USP32: variants seen among roughly 807,000 people sequenced by gnomAD.
USP32 encodes the protein ubiquitin specific peptidase 32.
Under a neutral mutation model 204.8 loss-of-function variants are expected in USP32, and 59 were observed. The observed-to-expected ratio is 0.29, with a 90% confidence interval of 0.23 to 0.36. USP32 has a LOEUF of 0.36. Ranked by LOEUF, USP32 falls within the 10% of genes least tolerant of loss-of-function variation. The probability of loss-of-function intolerance (pLI) is 1.00; values close to 1 mark genes in which losing one functional copy is unlikely to be tolerated. For synonymous variants in USP32, 517 were observed against 678.4 expected (o/e 0.76, Z 3.70); for missense variants, 1,160 against 1,946.4 (o/e 0.60, Z 7.60).
chr17:60,407,028 G>A (rs1174387369), intron 1 of USP32, among the ~76,000 whole-genome samples: 2 of 152,108 alleles, frequency 1.3e-5, no homozygotes, highest in East Asian at 1.9e-4. Flanking sequence ...TGGACAATTG[G>A]CAGTGCAGAA....
chr17:60,349,578 G>GAAAAAAA (rs757370384), intron 1 of USP32, among the ~76,000 whole-genome samples: 33 of 27,710 alleles, frequency 1.2e-3, no homozygotes, highest in Non-Finnish European at 2.0e-3. Context: ...TGTCTCAAAA[G>GAAAAAAA]AAAAAAAAAA....
At chr17:60,257,700 T>C (rs1000546009) in intron 9 of USP32, among the ~76,000 whole-genome samples, 1 of 151,782 alleles carries the variant, frequency 6.6e-6, no homozygotes, top group Admixed American at 6.6e-5. Flanking sequence ...CCCAGGCTGG[T>C]CTTGAACTCC....
chr17:60,234,962 C>T (rs2085682437), intron 12 of USP32, among the ~76,000 whole-genome samples: 1 of 152,086 alleles, frequency 6.6e-6, no homozygotes, highest in South Asian at 2.1e-4. Context: ...TGTAGATTCT[C>T]CCATGTATAC....
rs146652488 is a variant in USP32 at position 60,192,603 on chromosome 17, T to C, written c.3521+241A>G. On this transcript the variant is annotated intron_variant, in intron 28 of 33. Transcript: ENST00000300896. ...GCACGCATCACCACGCCCCGCTAATTTTTGTATGTTTAGTAGAGACGAGGT... is the reference window on the plus strand; with the variant it reads ...GCACGCATCACCACGCCCCGCTAATCTTTGTATGTTTAGTAGAGACGAGGT... 4.8e-3 allele frequency among the ~76,000 whole-genome samples: 736 copies of C among 152,182 alleles called. 23 individuals are homozygous for C. Among genetic ancestry groups the C allele is most frequent in the Admixed American group, 0.045 (682 of 15,284 alleles).
chr17:60,338,823 C>T (rs2088586185), intron 2 of USP32, among the ~76,000 whole-genome samples: 1 of 152,126 alleles, frequency 6.6e-6, no homozygotes, highest in Admixed American at 6.6e-5. Context: ...TTCTCAATCC[C>T]CTCAAATTCT....
intron 1 of USP32, among the ~76,000 whole-genome samples, chr17:60,401,583 G>C (rs2089935498): frequency 2.0e-5 from 3 of 151,556 alleles, no homozygotes; most frequent in African/African-American, 4.9e-5. Flanking sequence ...AGGGTTAAAA[G>C]TAGACCTCTG....
intron 3 of USP32, among the ~76,000 whole-genome samples, chr17:60,295,240 GAA>G (rs111710231): frequency 3.8e-5 from 5 of 131,544 alleles, no homozygotes; most frequent in African/African-American, 5.4e-5. Flanking sequence ...GCAAAACTTC[GAA>G]AAAAAAAAAA....
intron 12 of USP32, among the ~76,000 whole-genome samples, chr17:60,233,366 G>A (rs1398557156): frequency 6.6e-6 from 1 of 152,016 alleles, no homozygotes; most frequent in African/African-American, 2.4e-5. Flanking sequence ...CTCAGGAGGT[G>A]GGAGAATTGC....
chr17:60,310,904 A>G (rs534986297), intron 2 of USP32, among the ~76,000 whole-genome samples: 62 of 152,248 alleles, frequency 4.1e-4, no homozygotes, highest in Non-Finnish European at 7.4e-4. Flanking sequence ...GCACAGAGAG[A>G]CAAATATCAC....
intron 12 of USP32, among the ~76,000 whole-genome samples, chr17:60,235,822 A>G (rs1025739976): frequency 2.6e-5 from 4 of 152,238 alleles, no homozygotes; most frequent in East Asian, 3.8e-4. Flanking sequence ...TAAAATGGGT[A>G]TAATATTATC....
In USP32 at chr17:60,422,141, A is replaced by G. The variant is rs2090126548; in HGVS notation, c.106+105T>C. On this transcript the variant is annotated intron_variant, in intron 1 of 3. Transcript: ENST00000588898. ...CCCTAGACCTCTGTCCCAAATCAGA[A>G]AAGAATTTTACAAACTGTGCTTTCC... 3 of 305,686 alleles carry G rather than the reference A, an allele frequency of 9.8e-6. No homozygotes were observed. The South Asian group carries it at 1.2e-4, about 12-fold the overall frequency. The allele number at this position is 305,686 out of a possible 1,614,324, so 18.9% of individuals were successfully genotyped here.
chr17:60,244,778 C>G (rs770981756), intron 11 of USP32, among the ~76,000 whole-genome samples: 2 of 152,162 alleles, frequency 1.3e-5, no homozygotes, highest in Non-Finnish European at 2.9e-5. Context: ...GTTACAGGCA[C>G]GCACCACCAC....
intron 25 of USP32, 83 bp from the exon 26 acceptor site, chr17:60,205,741 A>G: frequency 3.3e-6 from 4 of 1,194,334 alleles, no homozygotes; most frequent in Non-Finnish European, 4.8e-6. Context: ...TGAGGACCAG[A>G]GACAGTGTAG....
chr17:60,188,518 G>C (rs745781269), intron 29 of USP32, among the ~76,000 whole-genome samples: 5 of 151,962 alleles, frequency 3.3e-5, no homozygotes, highest in Non-Finnish European at 7.4e-5. Context: ...TCATAAGCTT[G>C]TTCCCATAAA....
At position 60,177,558 on chromosome 17, in the gene USP32, A is replaced by T. The variant is rs1473817975; in HGVS notation, c.*1697T>A. Among the ~76,000 whole-genome samples, 1 of 152,270 alleles carries T rather than the reference A, an allele frequency of 6.6e-6. No homozygotes were observed. Among genetic ancestry groups the T allele is most frequent in the East Asian group, 1.9e-4 (1 of 5,208 alleles). On this transcript the variant is annotated 3_prime_UTR_variant, in exon 34 of 34. Transcript: ENST00000300896. ...ATTGAGCTACCTGCTTAAATAAAAC[A>T]TCTGTAAAGAAATTATTTAAAATCT...
At chr17:60,262,632 G>T (rs1439204770) in intron 9 of USP32, among the ~76,000 whole-genome samples, 1 of 152,044 alleles carries the variant, frequency 6.6e-6, no homozygotes, top group Admixed American at 6.6e-5. Context: ...CCTGAGTTTT[G>T]TACCCAAGGC....
At chr17:60,322,489 A>C (rs1421251073) in intron 2 of USP32, among the ~76,000 whole-genome samples, 1 of 152,202 alleles carries the variant, frequency 6.6e-6, no homozygotes, top group African/African-American at 2.4e-5. Flanking sequence ...TTAATAACTT[A>C]ATTGGTATTT....
At chr17:60,340,008 A>G (rs1403094717) in intron 2 of USP32, among the ~76,000 whole-genome samples, 1 of 152,190 alleles carries the variant, frequency 6.6e-6, no homozygotes, top group Admixed American at 6.6e-5. Context: ...TACTGCTATG[A>G]TATCTCAAAA....
At chr17:60,412,458 C>T (rs576954190) in intron 1 of USP32, among the ~76,000 whole-genome samples, 2 of 151,044 alleles carry the variant, frequency 1.3e-5, no homozygotes, top group African/African-American at 4.9e-5. Flanking sequence ...TCACCTGAGT[C>T]TGAGAGGTCA....
Sources: allele counts gnomAD v4.1 joint callset (sites outside exome capture counted in the v4.1 genomes callset), GRCh38; gene constraint gnomAD v4.1.1; transcripts MANE v1.5; gene names NCBI Gene and HGNC (gene_info 2026-07-23, HGNC 2026-07-21).